Variants in SLC1A2 observed in about 807,000 individuals in gnomAD.
SLC1A2 encodes excitatory amino acid transporter 2.
A neutral mutation model predicts 48.8 loss-of-function variants in SLC1A2; 15 were observed. The ratio of observed to expected loss-of-function variants is 0.31; its 90% confidence interval spans 0.21 to 0.47. The LOEUF (loss-of-function observed/expected upper bound fraction) is 0.47, where lower values mean the gene tolerates loss of function less well. SLC1A2 is among the 20% of genes least tolerant of loss of function. The pLI is 0.99. For synonymous variants in SLC1A2, 279 were observed against 272.6 expected, an observed-to-expected ratio of 1.02 and a Z score of -0.23; for missense variants, 502 against 730.5, an observed-to-expected ratio of 0.69 and a Z score of 3.61.
intron 6 of SLC1A2, 70 bp from the exon 7 acceptor site, chr11:35,292,590 T>C: frequency 1.2e-6 from 1 of 840,984 alleles, no homozygotes; most frequent in Non-Finnish European, 1.9e-6. Flanking sequence ...GCCTCCTCTG[T>C]ACCGCACACT....
intron 1 of SLC1A2, among the ~76,000 whole-genome samples, chr11:35,369,277 A>T (rs1341746745): frequency 6.6e-6 from 1 of 152,208 alleles, no homozygotes; most frequent in Admixed American, 6.5e-5. Flanking sequence ...TTTGTCATGT[A>T]ACTCGAGGTG....
chr11:35,417,980 G>T (rs2135312886), intron 1 of SLC1A2, among the ~76,000 whole-genome samples: 1 of 152,280 alleles, frequency 6.6e-6, no homozygotes, highest in East Asian at 1.9e-4. Context: ...ACATAACATG[G>T]ATTTTGTGAT....
At chr11:35,264,279 C>G (rs1244280353) in intron 10 of SLC1A2, 1 of 152,204 alleles carries the variant, frequency 6.6e-6, no homozygotes, top group African/African-American at 2.4e-5. Flanking sequence ...TTCTATGACA[C>G]CCTTAGTTGC....
At chr11:35,282,335 G>T (rs1423512320) in intron 8 of SLC1A2, among the ~76,000 whole-genome samples, 2 of 152,138 alleles carry the variant, frequency 1.3e-5, no homozygotes, top group Non-Finnish European at 2.9e-5. Context: ...TCAAATTCCA[G>T]CTCTGCCACT....
chr11:35,409,436 C>T (rs1442032504), intron 1 of SLC1A2, among the ~76,000 whole-genome samples: 2 of 152,136 alleles, frequency 1.3e-5, no homozygotes, highest in African/African-American at 4.8e-5. Flanking sequence ...TTCCTTCTGA[C>T]CCCTTCCATT....
At chr11:35,360,108 TCA>T in intron 1 of SLC1A2, 1 of 984,996 alleles carries the variant, frequency 1.0e-6, no homozygotes, top group Non-Finnish European at 1.2e-6. Context: ...GTGCCTTCCA[TCA>T]CAGTCCTGCT....
chr11:35,332,413 C>T (rs180787514), intron 1 of SLC1A2, among the ~76,000 whole-genome samples: 3,536 of 152,276 alleles, frequency 0.023, 123 homozygotes, highest in African/African-American at 0.08. Context: ...AGTTTCTCGC[C>T]GAGTGACTTA....
chr11:35,341,826 T>C (rs1241107634), intron 1 of SLC1A2, among the ~76,000 whole-genome samples: 2 of 152,238 alleles, frequency 1.3e-5, no homozygotes, highest in Non-Finnish European at 2.9e-5. Flanking sequence ...CTTTGCAGAA[T>C]TGTTTATAAA....
intron 1 of SLC1A2, among the ~76,000 whole-genome samples, chr11:35,363,111 T>C (rs1853734891): frequency 2.6e-5 from 4 of 152,172 alleles, no homozygotes; most frequent in Admixed American, 2.6e-4. Context: ...CATGTTACTA[T>C]TGCACACCCT....
intron 1 of SLC1A2, among the ~76,000 whole-genome samples, chr11:35,404,707 G>A (rs888977362): frequency 3.3e-5 from 5 of 152,190 alleles, no homozygotes; most frequent in Admixed American, 2.6e-4. Context: ...CGGTCTGTCT[G>A]ACCACTGGAC....
chr11:35,263,632 T>C (rs1251333407), intron 10 of SLC1A2, among the ~76,000 whole-genome samples: 1 of 152,170 alleles, frequency 6.6e-6, no homozygotes, highest in East Asian at 1.9e-4. Flanking sequence ...AAAAGGGCCA[T>C]ACGCAGTTAA....
At chr11:35,405,454 T>C (rs61295057) in intron 1 of SLC1A2, among the ~76,000 whole-genome samples, 2,296 of 151,460 alleles carry the variant, frequency 0.015, 54 homozygotes, top group African/African-American at 0.053. Flanking sequence ...AATTGAAAAA[T>C]CTGCTTTGAC....
intron 1 of SLC1A2, chr11:35,371,161 T>C (rs1565283171): frequency 1.4e-6 from 1 of 696,806 alleles, no homozygotes; most frequent in Non-Finnish European, 1.8e-6. Context: ...GCAACCTACT[T>C]TGTCTCACCC....
intron 1 of SLC1A2, among the ~76,000 whole-genome samples, chr11:35,328,239 G>A (rs1370852078): frequency 6.6e-6 from 1 of 152,172 alleles, no homozygotes; most frequent in Non-Finnish European, 1.5e-5. Context: ...AGCACTTGCT[G>A]CTGTGAAATA....
At chr11:35,310,284 G>A (rs1363311631) in intron 4 of SLC1A2, among the ~76,000 whole-genome samples, 2 of 152,186 alleles carry the variant, frequency 1.3e-5, no homozygotes, top group Non-Finnish European at 2.9e-5. Context: ...ATCCCAGAAT[G>A]CTCTTTCCAA....
chr11:35,264,218 C>A (rs1950442697), intron 10 of SLC1A2: 1 of 152,216 alleles, frequency 6.6e-6, no homozygotes, highest in Admixed American at 6.5e-5. Flanking sequence ...AAAGCCTGTG[C>A]TAGTCCACTA....
At chr11:35,349,277 T>G (rs1853155344) in intron 1 of SLC1A2, among the ~76,000 whole-genome samples, 9 of 151,860 alleles carry the variant, frequency 5.9e-5, no homozygotes, top group Admixed American at 5.9e-4. Context: ...CACAAAAGAA[T>G]CAAAAATACA....
chr11:35,343,204 G>T (rs1852905947), intron 1 of SLC1A2, among the ~76,000 whole-genome samples: 2 of 152,256 alleles, frequency 1.3e-5, no homozygotes, highest in South Asian at 4.1e-4. Flanking sequence ...GCATAGGCTA[G>T]GGGCTGATAA....
At chr11:35,303,713 T>C (rs1488366349) in intron 5 of SLC1A2, among the ~76,000 whole-genome samples, 2 of 152,162 alleles carry the variant, frequency 1.3e-5, no homozygotes, top group Non-Finnish European at 2.9e-5. Context: ...CTATGAGAGA[T>C]AGGTTTTTAA....
Sources: allele counts gnomAD v4.1 joint callset (sites outside exome capture counted in the v4.1 genomes callset), GRCh38; gene constraint gnomAD v4.1.1; transcripts MANE v1.5; gene names NCBI Gene and HGNC (gene_info 2026-07-23, HGNC 2026-07-21).